DSCC1: variants seen among roughly 807,000 people sequenced by gnomAD.
The protein encoded by DSCC1 is sister chromatid cohesion protein DCC1.
A neutral mutation model predicts 48.2 loss-of-function variants in DSCC1; 32 were observed. The observed-to-expected ratio is 0.66, with a 90% CI of 0.50 to 0.89. The LOEUF is 0.89. DSCC1 is among the 40% of genes least tolerant of loss of function. The pLI, the probability that DSCC1 is intolerant of heterozygous loss-of-function variation, is 0.00. For missense variants in DSCC1, 421 were observed against 471.7 expected, an observed-to-expected ratio of 0.89 and a Z score of 1.00; for synonymous variants, 150 against 171.5, an observed-to-expected ratio of 0.87 and a Z score of 0.98.
rs1339532965 is a variant in DSCC1, at chr8:119,834,553, C to A, written c.*340G>T. 4.9e-6 allele frequency: 1 copy of A among 205,742 alleles called. No individual in the cohort carries two copies. The highest frequency in any genetic ancestry group is 7.7e-5 in the South Asian group (1 of 13,014). The allele number at this position is 205,742 out of a possible 1,614,324, so 12.7% of individuals were successfully genotyped here. A position where few individuals can be genotyped will look rare whatever the true frequency, so the allele number is the denominator to read the frequency against. ...TATTACTATTTAGTTCTCTGGAAAA[C>A]TTAAGTGTATTAATGATTAGAACAT... On this transcript the variant is annotated 3_prime_UTR_variant, in exon 9 of 9. Coordinates refer to ENST00000313655, the MANE Select transcript of DSCC1 (RefSeq NM_024094.3).
chr8:119,834,698 A>T lies in DSCC1; in HGVS notation c.*195T>A, dbSNP rs1826647776. The T allele has an allele frequency of 1.8e-6, 1 of 555,876 alleles. No homozygotes were observed. The highest frequency in any genetic ancestry group is 3.2e-5 in the East Asian group (1 of 31,360). The allele number at this position is 555,876 out of a possible 1,614,324, so 34.4% of individuals were successfully genotyped here. ...TTGTCCTTGTTTACACTGTGTACAT[A>T]GTACAAATATAATTTTAAAGCTACA... On this transcript the variant is annotated 3_prime_UTR_variant, in exon 9 of 9. Coordinates refer to ENST00000313655, the MANE Select transcript of DSCC1 (RefSeq NM_024094.3).
intron 4 of DSCC1, among the ~76,000 whole-genome samples, chr8:119,845,473 A>G (rs1019223206): frequency 3.9e-5 from 6 of 152,200 alleles, no homozygotes; most frequent in African/African-American, 1.4e-4. Context: ...GAATGTTTCT[A>G]TTCTTACTCT....
In DSCC1 at chr8:119,837,644, G is replaced by A. The variant is rs79045608; in HGVS notation, c.1073+615C>T. ...TCAGCTGGCCACGTGTAGGCACAGG[G>A]TAAGCAGAAAGTTGAGTCTAATCTT... is the stretch of plus-strand genomic sequence containing the variant. On this transcript the variant is annotated intron_variant, in intron 8 of 8. Coordinates refer to ENST00000313655, the MANE Select transcript of DSCC1 (RefSeq NM_024094.3). Among the ~76,000 whole-genome samples, 1,146 of 152,284 alleles carry A rather than the reference G, an allele frequency of 7.5e-3. 17 individuals carry two copies. The highest frequency in any genetic ancestry group is 0.026 in the African/African-American group (1,085 of 41,558).
Position 119,855,802 on chromosome 8 carries a change from G to T in DSCC1, c.-7C>A. 1 of 1,513,434 alleles carries T rather than the reference G, an allele frequency of 6.6e-7. No homozygotes were observed. Among genetic ancestry groups the T allele is most frequent in the Non-Finnish European group, 8.8e-7 (1 of 1,131,074 alleles). The allele number at this position is 1,513,434 out of a possible 1,614,324, so 93.8% of individuals were successfully genotyped here. ...CGTCGCGGGTCCTCTTCATCGCAGC[G>T]CCGGGTCTAGGAGTCCCGCCGCGCC... On this transcript the variant is annotated 5_prime_UTR_variant, in exon 1 of 9. Coordinates refer to ENST00000313655, the MANE Select transcript of DSCC1 (RefSeq NM_024094.3).
chr8:119,834,712 T>G lies in DSCC1; in HGVS notation c.*181A>C, dbSNP rs1826648339. 5.1e-6 allele frequency: 3 copies of G among 585,602 alleles called. No individual in the cohort carries two copies. The highest frequency in any genetic ancestry group is 9.1e-6 in the Non-Finnish European group (3 of 330,144). The allele number at this position is 585,602 out of a possible 1,614,324, so 36.3% of individuals were successfully genotyped here. ...ACTGTGTACATAGTACAAATATAAT[T>G]TTAAAGCTACATCCTATAACATTTA... is the stretch of plus-strand genomic sequence containing the variant. On this transcript the variant is annotated 3_prime_UTR_variant, in exon 9 of 9. Transcript: ENST00000313655.
intron 4 of DSCC1, among the ~76,000 whole-genome samples, chr8:119,846,353 C>T (rs924657141): frequency 2.6e-5 from 4 of 152,044 alleles, no homozygotes; most frequent in African/African-American, 9.7e-5. Flanking sequence ...ACGTCGTGAT[C>T]GGCCAGCCTC....
At chr8:119,848,520 C>T (rs1025838853) in intron 3 of DSCC1, among the ~76,000 whole-genome samples, 1 of 152,136 alleles carries the variant, frequency 6.6e-6, no homozygotes, top group East Asian at 1.9e-4. Context: ...AGATGTTCAA[C>T]ATCAATGGAA....
chr8:119,841,846 ACTT>A lies in DSCC1; in HGVS notation c.869_871del (p.Glu290del). On this transcript the variant is annotated inframe_deletion, in exon 7 of 9. Coordinates refer to ENST00000313655, the MANE Select transcript of DSCC1 (RefSeq NM_024094.3). ...TCCTTCAGGAACACTCTGCTGCCACACTTCTTGAAACTCAGCGAGATTGAATTT... is the reference window on the plus strand; with the variant it reads ...TCCTTCAGGAACACTCTGCTGCCACACTTGAAACTCAGCGAGATTGAATTT... The A allele has an allele frequency of 6.2e-7, 1 of 1,614,090 alleles. No individual in the cohort carries two copies. Among genetic ancestry groups the A allele is most frequent in the Non-Finnish European group, 8.5e-7 (1 of 1,179,996 alleles).
intron 4 of DSCC1, 129 bp downstream of exon 4, chr8:119,846,861 A>G: frequency 1.1e-6 from 1 of 914,332 alleles, no homozygotes; most frequent in Non-Finnish European, 1.7e-6. Flanking sequence ...GCCCGGCCCA[A>G]ATGACACCAT....
At chr8:119,835,112 C>T (rs929778701) in intron 8 of DSCC1, 111 bp from the exon 9 acceptor site, 11 of 727,250 alleles carry the variant, frequency 1.5e-5, no homozygotes, top group South Asian at 6.0e-5. Context: ...TCTCAACAAG[C>T]GTAAGTGTAG....
chr8:119,835,579 T>C (rs1826668873), intron 8 of DSCC1, among the ~76,000 whole-genome samples: 1 of 152,072 alleles, frequency 6.6e-6, no homozygotes, highest in South Asian at 2.1e-4. Context: ...ATATTAGATA[T>C]GAGAACTATG....
At position 119,841,832 on chromosome 8, in the gene DSCC1, C is replaced by T; in HGVS notation, c.886G>A (p.Val296Ile). 6.2e-7 allele frequency: 1 copy of T among 1,614,102 alleles called. No homozygotes were observed. Among genetic ancestry groups the T allele is most frequent in the African/African-American group, 1.3e-5 (1 of 75,054 alleles). ...AEFQEVWQQS[V>I]PEGMVTSLDQ... ...AGACTAGTTACCATTCCTTCAGGAA[C>T]ACTCTGCTGCCACACTTCTTGAAAC... is the stretch of plus-strand genomic sequence containing the variant. The change falls in exon 7 of 9, where the codon GTT becomes ATT. Residue 296 changes from valine to isoleucine, a missense_variant. Around this residue, in one of 3 missense-constraint regions of DSCC1, gnomAD observed 238 missense variants for 259.0 expected, o/e 0.92. Coordinates refer to ENST00000313655, the MANE Select transcript of DSCC1 (RefSeq NM_024094.3).
chr8:119,846,862 A>G (rs1826864661), intron 4 of DSCC1, 128 bp downstream of exon 4: 5 of 919,210 alleles, frequency 5.4e-6, no homozygotes, highest in Non-Finnish European at 8.2e-6. Flanking sequence ...CCCGGCCCAA[A>G]TGACACCATC....
chr8:119,850,516 T>G lies in DSCC1; in HGVS notation c.352A>C (p.Ile118Leu). ...DSHCNIIHTEIFGFSNNYWEL... is the reference protein window; with the variant it reads ...DSHCNIIHTELFGFSNNYWEL... ...CAATAATTATTAGAAAAACCAAAGA[T>G]CTAGAAATTATATATATCGTAACCT... Residue 118 changes from isoleucine to leucine, a missense_variant and splice_region_variant, in exon 3 of 9, where the codon ATC becomes CTC. Physicochemically the swap from Ile to Leu is conservative, Grantham distance 5. Coordinates refer to ENST00000313655, the MANE Select transcript of DSCC1 (RefSeq NM_024094.3). 1 of 1,549,262 alleles carries G rather than the reference T, an allele frequency of 6.5e-7. No individual in the cohort carries two copies. The highest frequency in any genetic ancestry group is 8.6e-7 in the Non-Finnish European group (1 of 1,161,420).
At chr8:119,835,842 C>G (rs7833112) in intron 8 of DSCC1, among the ~76,000 whole-genome samples, 41,338 of 151,936 alleles carry the variant, frequency 0.27, 6,883 homozygotes, top group Admixed American at 0.46. Flanking sequence ...AGATTACGAC[C>G]GGAACATAAT....
chr8:119,838,678 C>T (rs1454225638), intron 7 of DSCC1: 3 of 273,504 alleles, frequency 1.1e-5, no homozygotes, highest in Non-Finnish European at 2.0e-5. Context: ...CTGTCATTGC[C>T]AAATCCAGTG....
At chr8:119,843,140 G>A (rs1343947356) in intron 5 of DSCC1, among the ~76,000 whole-genome samples, 1 of 144,126 alleles carries the variant, frequency 6.9e-6, no homozygotes, top group Non-Finnish European at 1.5e-5. Flanking sequence ...TTTTTTGAGA[G>A]TGCAGTAGCG....
At chr8:119,842,329 G>C (rs1395981928) in intron 6 of DSCC1, among the ~76,000 whole-genome samples, 8 of 151,452 alleles carry the variant, frequency 5.3e-5, no homozygotes, top group Admixed American at 5.3e-4. Flanking sequence ...GCACACCTTG[G>C]CCTCCCAAAG....
At chr8:119,855,517 T>C (rs534847429) in intron 1 of DSCC1, 97 bp downstream of exon 1, 28 of 1,444,066 alleles carry the variant, frequency 1.9e-5, no homozygotes, top group Admixed American at 4.8e-5. Flanking sequence ...GCCAGGTCAG[T>C]GCATCTCTCT....
Sources: gnomAD v4.1 joint callset for allele counts (sites outside exome capture counted in the v4.1 genomes callset) on GRCh38, gnomAD v4.1.1 for gene constraint, gnomAD v4.1.1 regional missense constraint, MANE v1.5 for transcripts, NCBI Gene and HGNC (gene_info 2026-07-23, HGNC 2026-07-21) for gene names.